Variants in ST8SIA1 observed in about 807,000 individuals in gnomAD.
The protein encoded by ST8SIA1 is alpha-N-acetylneuraminide alpha-2,8-sialyltransferase.
A neutral mutation model predicts 35.9 loss-of-function variants in ST8SIA1; 16 were observed. The ratio of observed to expected loss-of-function variants is 0.45; its 90% CI spans 0.30 to 0.68. The LOEUF (loss-of-function observed/expected upper bound fraction) is 0.68, where lower values mean the gene tolerates loss of function less well. ST8SIA1 is among the 30% of genes least tolerant of loss of function. ST8SIA1 has a pLI of 0.09. For missense variants in ST8SIA1, 383 were observed against 453.6 expected, an observed-to-expected ratio of 0.84 and a Z score of 1.41; for synonymous variants, 170 against 169.6, an observed-to-expected ratio of 1.00 and a Z score of -0.02.
At chr12:22,294,799 G>A (rs1866223063) in intron 1 of ST8SIA1, among the ~76,000 whole-genome samples, 1 of 152,154 alleles carries the variant, frequency 6.6e-6, no homozygotes, top group African/African-American at 2.4e-5. Context: ...TATTGAACAA[G>A]TACACAAAAT....
intron 2 of ST8SIA1, among the ~76,000 whole-genome samples, chr12:22,282,307 A>G (rs1014344078): frequency 3.3e-5 from 5 of 152,174 alleles, no homozygotes; most frequent in East Asian, 1.9e-4. Context: ...AGGCAATAAT[A>G]ACAGCCACAC....
intron 1 of ST8SIA1, among the ~76,000 whole-genome samples, chr12:22,323,979 T>C (rs1279579928): frequency 6.6e-6 from 1 of 151,712 alleles, no homozygotes; most frequent in Non-Finnish European, 1.5e-5. Context: ...CAAACCTGCA[T>C]ATACTGCACA....
chr12:22,245,292 T>C (rs1463545126), intron 4 of ST8SIA1, among the ~76,000 whole-genome samples: 7 of 152,364 alleles, frequency 4.6e-5, no homozygotes, highest in Admixed American at 1.3e-4. Context: ...AATCAGGTTG[T>C]CTAAAGTGTC....
At chr12:22,270,150 T>C (rs1865894465) in intron 2 of ST8SIA1, among the ~76,000 whole-genome samples, 1 of 152,208 alleles carries the variant, frequency 6.6e-6, no homozygotes, top group Non-Finnish European at 1.5e-5. Flanking sequence ...TCAACAGGCC[T>C]CAGTTTGAAT....
chr12:22,215,994 T>A (rs955498587), intron 4 of ST8SIA1, among the ~76,000 whole-genome samples: 1 of 152,180 alleles, frequency 6.6e-6, no homozygotes, highest in South Asian at 2.1e-4. Context: ...CAGTGCAGAA[T>A]AGAACCATTC....
Position 22,306,181 on chromosome 12 carries a change from A to G in ST8SIA1, c.237-18888T>C, listed in dbSNP as rs767959209. 2.0e-5 allele frequency among the ~76,000 whole-genome samples: 3 copies of G among 152,144 alleles called. No individual in the cohort carries two copies. In the East Asian group the frequency reaches 5.8e-4, roughly 30 times the overall value. ...ATTTACATCTTACATATGTTGATTG[A>G]TGTCTTATGTCTCCCTAAAATGTAT... is the stretch of plus-strand genomic sequence containing the variant. On this transcript the variant is annotated intron_variant, in intron 1 of 4. Transcript: ENST00000396037.
At chr12:22,233,890 T>C (rs900717382) in intron 4 of ST8SIA1, among the ~76,000 whole-genome samples, 2 of 152,102 alleles carry the variant, frequency 1.3e-5, no homozygotes, top group Non-Finnish European at 2.9e-5. Flanking sequence ...CCTGTTTTAT[T>C]TTCTATCTAA....
chr12:22,285,915 T>C (rs1050724375), intron 2 of ST8SIA1, among the ~76,000 whole-genome samples: 3 of 131,454 alleles, frequency 2.3e-5, no homozygotes, highest in Non-Finnish European at 5.1e-5. Context: ...CCATGCATTA[T>C]CTAAGTTGAT....
chr12:22,284,363 C>T (rs1168100552), intron 2 of ST8SIA1, among the ~76,000 whole-genome samples: 2 of 152,212 alleles, frequency 1.3e-5, no homozygotes, highest in African/African-American at 2.4e-5. Context: ...GCCTGGCCCA[C>T]TCACCTGCAT....
chr12:22,332,662 T>G (rs1260334316), intron 1 of ST8SIA1, among the ~76,000 whole-genome samples: 1 of 152,146 alleles, frequency 6.6e-6, no homozygotes, highest in East Asian at 1.9e-4. Context: ...AGAAGGAAAG[T>G]CCTCCCTTCC....
chr12:22,318,346 C>A (rs1866544900), intron 1 of ST8SIA1, among the ~76,000 whole-genome samples: 4 of 152,218 alleles, frequency 2.6e-5, no homozygotes, highest in Admixed American at 2.6e-4. Flanking sequence ...TTGCTCCACT[C>A]CTGTTTCTCA....
At chr12:22,273,326 C>A (rs896876389) in intron 2 of ST8SIA1, among the ~76,000 whole-genome samples, 5 of 152,198 alleles carry the variant, frequency 3.3e-5, no homozygotes, top group African/African-American at 9.6e-5. Context: ...TCATGTCCAC[C>A]TTTGAGTGGC....
intron 4 of ST8SIA1, among the ~76,000 whole-genome samples, chr12:22,233,100 A>G (rs1355690804): frequency 6.6e-6 from 1 of 152,234 alleles, no homozygotes; most frequent in East Asian, 1.9e-4. Flanking sequence ...AATGAATGAA[A>G]TTAAGCCAAT....
rs781424178 is a variant in ST8SIA1, at chr12:22,328,744, A to G, written c.236+5253T>C. On this transcript the variant is annotated intron_variant, in intron 1 of 4. Coordinates refer to ENST00000396037, the MANE Select transcript of ST8SIA1 (RefSeq NM_003034.4). ...GAGTAAGGGAAGCCACCTTGAGGCG[A>G]ACTAACAAGGACTGAGCATTAATTA... Among the ~76,000 whole-genome samples, 4 of 152,228 alleles carry G rather than the reference A, an allele frequency of 2.6e-5. No homozygotes were observed. The South Asian group carries it at 8.3e-4, about 31-fold the overall frequency.
chr12:22,321,907 A>G (rs942750738), intron 1 of ST8SIA1, among the ~76,000 whole-genome samples: 1 of 152,172 alleles, frequency 6.6e-6, no homozygotes, highest in Non-Finnish European at 1.5e-5. Flanking sequence ...AAAGTGAGCA[A>G]TCCCCTTCCA....
chr12:22,274,616 G>A (rs1322531496), intron 2 of ST8SIA1, among the ~76,000 whole-genome samples: 2 of 152,162 alleles, frequency 1.3e-5, no homozygotes, highest in African/African-American at 4.8e-5. Flanking sequence ...TAAAATGTAC[G>A]ATCTTGTTAT....
intron 1 of ST8SIA1, among the ~76,000 whole-genome samples, chr12:22,318,871 A>C (rs1866550207): frequency 6.6e-6 from 1 of 152,220 alleles, no homozygotes; most frequent in South Asian, 2.1e-4. Flanking sequence ...GGTTCAGCAC[A>C]GTAAGGAAGT....
chr12:22,276,931 C>A (rs1218086861), intron 2 of ST8SIA1, among the ~76,000 whole-genome samples: 4 of 152,046 alleles, frequency 2.6e-5, no homozygotes, highest in South Asian at 2.1e-4. Flanking sequence ...AGTCACCCAT[C>A]ATAGCTACAC....
rs769614913 is a variant in ST8SIA1 at position 22,287,271 on chromosome 12, C to T, written c.259G>A (p.Asp87Asn). The change falls in exon 2 of 5, where the codon GAC becomes AAC. Residue 87 changes from aspartate to asparagine, a missense_variant. Transcript: ENST00000396037. Reference sequence around the variant, plus strand: ...GTCATAGCAAAGAGATGGGCAGGGTCGCAGCAGTCTTCCATTTGTTTCCTA... The same window carrying T: ...GTCATAGCAAAGAGATGGGCAGGGTTGCAGCAGTCTTCCATTTGTTTCCTA... ...AFRKQMEDCCDPAHLFAMTKM... is the reference protein window; with the variant it reads ...AFRKQMEDCCNPAHLFAMTKM... The T allele has an allele frequency of 6.8e-6, 11 of 1,612,962 alleles. No homozygotes were observed. The highest frequency in any genetic ancestry group is 9.3e-6 in the Non-Finnish European group (11 of 1,179,696).
Sources: gnomAD v4.1 joint callset for allele counts (sites outside exome capture counted in the v4.1 genomes callset) on GRCh38, gnomAD v4.1.1 for gene constraint, MANE v1.5 for transcripts, NCBI Gene and HGNC (gene_info 2026-07-23, HGNC 2026-07-21) for gene names.